The following KIAA0825 variants were observed in gnomAD, a reference collection of about 807,000 sequenced individuals.
KIAA0825 encodes KIAA0825, also known as uncharacterized protein KIAA0825.
In KIAA0825, 119 loss-of-function variants were observed where a neutral mutation model predicts 147.6. That is an observed-to-expected ratio of 0.81 (90% CI 0.69 to 0.94). KIAA0825 has a LOEUF of 0.94. Among genes scored for constraint, KIAA0825 ranks in the 40% least tolerant of loss-of-function variants. The pLI is 0.00. For missense variants in KIAA0825, 1,381 were observed against 1,472.7 expected (o/e 0.94, Z 1.02); for synonymous variants, 470 against 518.1 (o/e 0.91, Z 1.26).
intron 20 of KIAA0825, among the ~76,000 whole-genome samples, chr5:94,370,464 G>C (rs1443373905): frequency 1.3e-5 from 2 of 151,964 alleles, no homozygotes; most frequent in Non-Finnish European, 2.9e-5. Flanking sequence ...TTTAAAATAG[G>C]GGTTATATCA....
rs1758609779 is a variant in KIAA0825, at chr5:94,452,957, AC to A, written c.2357+1del. 1 of 1,445,440 alleles carries A rather than the reference AC, an allele frequency of 6.9e-7. No homozygotes were observed. The highest frequency in any genetic ancestry group is 1.5e-5 in the African/African-American group (1 of 68,036). 89.5% of individuals were successfully genotyped at this position (1,445,440 alleles called of 1,614,324 possible). On this transcript the variant is annotated splice_donor_variant, in intron 13 of 20. Coordinates refer to ENST00000682413, the MANE Select transcript of KIAA0825 (RefSeq NM_001145678.3). LOFTEE classifies it high-confidence loss of function. ...GATAGTATGGCATTTAGAGGCTCTCACCTGAGTAAAGAAGGGTAGAAATGTG... is the reference window on the plus strand; with the variant it reads ...GATAGTATGGCATTTAGAGGCTCTCACTGAGTAAAGAAGGGTAGAAATGTG...
chr5:94,326,888 A>C (rs1780748908), intron 20 of KIAA0825, among the ~76,000 whole-genome samples: 1 of 152,248 alleles, frequency 6.6e-6, no homozygotes, highest in Non-Finnish European at 1.5e-5. Context: ...ATGAATCCAT[A>C]TGGTGCAAAA....
chr5:94,363,010 C>T (rs1241431198), intron 20 of KIAA0825, among the ~76,000 whole-genome samples: 1 of 152,172 alleles, frequency 6.6e-6, no homozygotes, highest in East Asian at 1.9e-4. Context: ...CTGAAATGAA[C>T]TTGCAGTTGT....
chr5:94,179,543 T>A (rs1349568864), intron 20 of KIAA0825, among the ~76,000 whole-genome samples: 1 of 152,088 alleles, frequency 6.6e-6, no homozygotes, highest in Non-Finnish European at 1.5e-5. Flanking sequence ...CTCTAGTCAC[T>A]GAAAGAGGCT....
At chr5:94,578,240 A>G (rs1781423464) in intron 2 of KIAA0825, among the ~76,000 whole-genome samples, 1 of 152,208 alleles carries the variant, frequency 6.6e-6, no homozygotes, top group Non-Finnish European at 1.5e-5. Flanking sequence ...CACTTATCTC[A>G]TTAGAGGTTT....
chr5:94,550,609 G>A (rs866636954), intron 2 of KIAA0825, among the ~76,000 whole-genome samples: 5 of 152,146 alleles, frequency 3.3e-5, no homozygotes, highest in African/African-American at 1.2e-4. Context: ...TTGGGAGGCC[G>A]AGGCAGGCGG....
intron 6 of KIAA0825, 42 bp from the exon 7 acceptor site, chr5:94,477,247 T>A: frequency 1.6e-6 from 2 of 1,268,428 alleles, no homozygotes; most frequent in South Asian, 2.7e-5. Context: ...ATATATATTG[T>A]TTAAAAAGCA....
At chr5:94,616,172 T>A (rs1030647087) in intron 1 of KIAA0825, among the ~76,000 whole-genome samples, 1 of 152,200 alleles carries the variant, frequency 6.6e-6, no homozygotes, top group Non-Finnish European at 1.5e-5. Flanking sequence ...GCCTACGGGA[T>A]CTGCCTACAA....
chr5:94,403,846 G>T, intron 15 of KIAA0825, 53 bp from the exon 16 acceptor site: 2 of 1,429,926 alleles, frequency 1.4e-6, no homozygotes, highest in South Asian at 1.3e-5. Flanking sequence ...AATCAGTTGT[G>T]CCTTGCTCAA....
At position 94,483,624 on chromosome 5, in the gene KIAA0825, C is replaced by T. The variant is rs187494048; in HGVS notation, c.1132+1145G>A. Among the ~76,000 whole-genome samples the T allele has an allele frequency of 1.1e-4, 17 of 151,290 alleles. No individual in the cohort carries two copies. In the East Asian group the frequency reaches 3.3e-3, roughly 29 times the overall value. ...GGGGTTGGCTTCAGAAATCTATAGT[C>T]CATCTTTATTTTTTCTTCAAATTCT... On this transcript the variant is annotated intron_variant, in intron 6 of 20. Transcript: ENST00000682413.
intron 16 of KIAA0825, among the ~76,000 whole-genome samples, chr5:94,402,943 G>A (rs1751580183): frequency 3.3e-5 from 5 of 151,998 alleles, no homozygotes; most frequent in Admixed American, 2.6e-4. Flanking sequence ...TAAGAAGAGA[G>A]GACTTGACTA....
At chr5:94,317,688 G>C (rs1779779743) in intron 20 of KIAA0825, among the ~76,000 whole-genome samples, 1 of 151,850 alleles carries the variant, frequency 6.6e-6, no homozygotes, top group Admixed American at 6.6e-5. Flanking sequence ...CTTAATCTAT[G>C]AAACAGGGAT....
chr5:94,403,706 AT>A lies in KIAA0825; in HGVS notation c.2749del (p.Ile917Ter), dbSNP rs1562463406. On this transcript the variant is annotated frameshift_variant, in exon 16 of 21. Transcript: ENST00000682413. LOFTEE classifies it high-confidence loss of function. ...TCTCCTAGAACTCATTACAGATACT[AT>A]CTGCTGTACAGTGTCCTTGATGGCA... ...TDAIKDTVQQIVSVMSSRRNC... is the reference protein window; with the variant it reads ...TDAIKDTVQQXVSVMSSRRNC... 6.4e-7 allele frequency: 1 copy of A among 1,551,562 alleles called. No homozygotes were observed. Among genetic ancestry groups the A allele is most frequent in the East Asian group, 2.4e-5 (1 of 40,908 alleles).
At chr5:94,190,124 T>TTGTATCCTGC (rs773903165) in intron 20 of KIAA0825, among the ~76,000 whole-genome samples, 10 of 152,214 alleles carry the variant, frequency 6.6e-5, no homozygotes, top group Non-Finnish European at 7.3e-5. Flanking sequence ...TATATTGACT[T>TTGTATCCTGC]TGTATCCTGC....
At chr5:94,395,285 C>CA (rs1215718900) in intron 17 of KIAA0825, among the ~76,000 whole-genome samples, 1 of 152,134 alleles carries the variant, frequency 6.6e-6, no homozygotes, top group Non-Finnish European at 1.5e-5. Flanking sequence ...GACTTTTAGT[C>CA]ATTTTGGGCA....
chr5:94,365,704 A>G (rs1268452769), intron 20 of KIAA0825, among the ~76,000 whole-genome samples: 1 of 152,210 alleles, frequency 6.6e-6, no homozygotes, highest in African/African-American at 2.4e-5. Context: ...GGAGGAACTT[A>G]GTTTATAGTT....
intron 20 of KIAA0825, among the ~76,000 whole-genome samples, chr5:94,294,460 G>A (rs1226856938): frequency 2.0e-5 from 3 of 152,182 alleles, no homozygotes; most frequent in African/African-American, 4.8e-5. Context: ...GGGCATTGTG[G>A]CTCACACCTG....
At chr5:94,262,001 T>C (rs1489724582) in intron 20 of KIAA0825, among the ~76,000 whole-genome samples, 1 of 152,004 alleles carries the variant, frequency 6.6e-6, no homozygotes, top group Non-Finnish European at 1.5e-5. Context: ...TAAATTTCTT[T>C]TAAAAAAATC....
chr5:94,230,401 A>G (rs991260214), intron 20 of KIAA0825, among the ~76,000 whole-genome samples: 11 of 152,182 alleles, frequency 7.2e-5, no homozygotes, highest in African/African-American at 2.7e-4. Flanking sequence ...CTGCCTTCCA[A>G]GATAACCAGT....
Sources: gnomAD v4.1 joint callset for allele counts (sites outside exome capture counted in the v4.1 genomes callset) on GRCh38, gnomAD v4.1.1 for gene constraint, MANE v1.5 for transcripts, NCBI Gene and HGNC (gene_info 2026-07-23, HGNC 2026-07-21) for gene names.